PDE1A: variants seen among roughly 807,000 people sequenced by gnomAD.
PDE1A encodes dual specificity calcium/calmodulin-dependent 3',5'-cyclic nucleotide phosphodiesterase 1A.
PDE1A carries 35 observed loss-of-function variants against 61.7 expected under a neutral mutation model. That is an observed-to-expected ratio of 0.57 (90% CI 0.43 to 0.75). PDE1A has a LOEUF of 0.75. Among genes scored for constraint, PDE1A ranks in the 30% least tolerant of loss-of-function variants. The pLI is 0.00. For synonymous variants in PDE1A, 232 were observed against 213.2 expected, an observed-to-expected ratio of 1.09 and a Z score of -0.77; for missense variants, 597 against 630.6, an observed-to-expected ratio of 0.95 and a Z score of 0.57.
chr2:182,559,469 G>T, the PDE1A span, among the ~76,000 whole-genome samples: 1 of 152,270 alleles, frequency 6.6e-6, no homozygotes, highest in Admixed American at 6.5e-5. Context: ...ATTACAAATA[G>T]TGACAACAGT....
chr2:182,714,982 T>G, the PDE1A span, among the ~76,000 whole-genome samples: 1 of 152,190 alleles, frequency 6.6e-6, no homozygotes, highest in Non-Finnish European at 1.5e-5. Flanking sequence ...CTCAGTCTCT[T>G]TTTTAAAAGC....
intron 8 of PDE1A, among the ~76,000 whole-genome samples, chr2:182,205,138 G>A (rs1686991428): frequency 1.3e-5 from 2 of 152,092 alleles, no homozygotes; most frequent in Admixed American, 6.5e-5. Flanking sequence ...TCAATTAAAT[G>A]ACTTTTAATA....
chr2:182,417,477 C>T (rs897532083), intron 1 of PDE1A, among the ~76,000 whole-genome samples: 7 of 152,274 alleles, frequency 4.6e-5, no homozygotes, highest in African/African-American at 1.4e-4. Context: ...GAGTGCAAGA[C>T]ACAGCCAATA....
intron 10 of PDE1A, among the ~76,000 whole-genome samples, chr2:182,197,521 T>G (rs1311544776): frequency 6.6e-6 from 1 of 151,726 alleles, no homozygotes; most frequent in East Asian, 1.9e-4. Flanking sequence ...CTCTAAGATC[T>G]TTATAGTTTT....
intron 2 of PDE1A, among the ~76,000 whole-genome samples, chr2:182,485,735 C>T (rs1687979845): frequency 6.6e-6 from 1 of 151,854 alleles, no homozygotes; most frequent in Non-Finnish European, 1.5e-5. Context: ...GAATAAAGGA[C>T]AGAAAAGCAT....
chr2:182,323,193 CATAT>C lies in PDE1A; in HGVS notation c.54-58783_54-58780del, dbSNP rs373051236. ...CAATTAAAGCAATGGAAAACAACTA[CATAT>C]ATATAAAGGACAGAAAAACATACCC... On this transcript the variant is annotated intron_variant, in intron 1 of 13. Transcript: ENST00000351439. Among the ~76,000 whole-genome samples the C allele has an allele frequency of 8.6e-3, 1,316 of 152,184 alleles. 22 individuals carry two copies. Among genetic ancestry groups the C allele is most frequent in the South Asian group, 0.069 (335 of 4,826 alleles).
At chr2:182,521,152 A>G (rs773593355) in intron 2 of PDE1A, among the ~76,000 whole-genome samples, 31 of 152,084 alleles carry the variant, frequency 2.0e-4, no homozygotes, top group Non-Finnish European at 4.1e-4. Flanking sequence ...ACATCATTAA[A>G]TACAATCAAA....
the PDE1A span, among the ~76,000 whole-genome samples, chr2:182,583,759 T>C: frequency 6.6e-6 from 1 of 152,226 alleles, no homozygotes; most frequent in Non-Finnish European, 1.5e-5. Context: ...TCTGCTATAC[T>C]GTATTCCCAG....
At chr2:182,547,071 T>A in the PDE1A span, among the ~76,000 whole-genome samples, 1 of 152,166 alleles carries the variant, frequency 6.6e-6, no homozygotes, top group African/African-American at 2.4e-5. Context: ...TACAATTTTT[T>A]AAAAATAAAA....
upstream of PDE1A, among the ~76,000 whole-genome samples, chr2:182,427,852 A>G (rs1703710300): frequency 6.6e-6 from 1 of 152,208 alleles, no homozygotes. Context: ...AAACTAAATC[A>G]TTTCAAAGCA....
intron 1 of PDE1A, among the ~76,000 whole-genome samples, chr2:182,298,905 A>G (rs1033181774): frequency 6.6e-5 from 10 of 152,088 alleles, no homozygotes; most frequent in African/African-American, 2.4e-4. Flanking sequence ...CACACATTTA[A>G]AAACAGATCA....
intron 10 of PDE1A, 32 bp from the exon 11 acceptor site, chr2:182,189,092 T>G (rs761379968): frequency 6.8e-7 from 1 of 1,476,628 alleles, no homozygotes; most frequent in Non-Finnish European, 9.4e-7. Context: ...AATATAGACT[T>G]GGGTTGGAGA....
chr2:182,146,931 A>T (rs928046453), downstream of PDE1A: 6 of 449,602 alleles, frequency 1.3e-5, no homozygotes, highest in African/African-American at 2.0e-5. Flanking sequence ...ATAGAGATTA[A>T]AAAAACTCTA....
the PDE1A span, among the ~76,000 whole-genome samples, chr2:182,679,611 T>C: frequency 2.6e-5 from 4 of 152,054 alleles, no homozygotes; most frequent in African/African-American, 9.7e-5. Flanking sequence ...GATAAAACTT[T>C]TTAAAAAAGG....
chr2:182,614,218 C>T, the PDE1A span, among the ~76,000 whole-genome samples: 1 of 152,128 alleles, frequency 6.6e-6, no homozygotes, highest in Non-Finnish European at 1.5e-5. Flanking sequence ...TTAGGAATAC[C>T]TTTAGGCAGA....
chr2:182,389,412 A>AACC (rs1375354541), intron 1 of PDE1A, among the ~76,000 whole-genome samples: 36 of 152,336 alleles, frequency 2.4e-4, no homozygotes, highest in African/African-American at 8.7e-4. Context: ...TAGCAAGAAT[A>AACC]CAAATAACCC....
chr2:182,242,880 CTCCCTCT>C (rs1187003872), intron 2 of PDE1A, among the ~76,000 whole-genome samples: 36 of 70,882 alleles, frequency 5.1e-4, no homozygotes, highest in African/African-American at 1.9e-3. Flanking sequence ...CTCTCCTCTC[CTCCCTCT>C]CTCTCTCTCT....
chr2:182,500,398 T>C lies in PDE1A; in HGVS notation c.101+21878A>G, dbSNP rs552895730. ...CATGTTATATGAAATCAGTAAAGAA[T>C]ATTTAAAATAGATAAATCAAAAAAC... On this transcript the variant is annotated intron_variant, in intron 2 of 14. Transcript: ENST00000410103. 6.6e-5 allele frequency among the ~76,000 whole-genome samples: 10 copies of C among 152,290 alleles called. No individual in the cohort carries two copies. In the East Asian group the frequency reaches 1.9e-3, roughly 29 times the overall value.
At chr2:182,523,452 C>A (rs1338029479), upstream of PDE1A, among the ~76,000 whole-genome samples, 1 of 152,178 alleles carries the variant, frequency 6.6e-6, no homozygotes, top group Non-Finnish European at 1.5e-5. Flanking sequence ...TTGAAACAAG[C>A]ACAGACCTTA....
Sources: gnomAD v4.1 joint callset for allele counts (sites outside exome capture counted in the v4.1 genomes callset) on GRCh38, gnomAD v4.1.1 for gene constraint, MANE v1.5 for transcripts, NCBI Gene and HGNC (gene_info 2026-07-23, HGNC 2026-07-21) for gene names.